Variants in KIF3B observed in about 807,000 individuals in gnomAD.
KIF3B encodes kinesin-like protein KIF3B.
KIF3B carries 38 observed loss-of-function variants against 74.3 expected under a neutral mutation model. That is an observed-to-expected ratio of 0.51 (90% CI 0.39 to 0.67). The LOEUF is 0.67. Ranked by LOEUF, KIF3B falls within the 30% of genes least tolerant of loss-of-function variation. KIF3B has a pLI of 0.00. For synonymous variants in KIF3B, 326 were observed against 342.5 expected, an observed-to-expected ratio of 0.95 and a Z score of 0.53; for missense variants, 649 against 932.0, an observed-to-expected ratio of 0.70 and a Z score of 3.95.
intron 1 of KIF3B, among the ~76,000 whole-genome samples, chr20:32,291,959 G>A (rs2047693604): frequency 6.6e-6 from 1 of 150,706 alleles, no homozygotes; most frequent in African/African-American, 2.4e-5. Flanking sequence ...GTATCACCCA[G>A]GCTTGAGTGC....
rs1190433871 is a variant in KIF3B at position 32,334,661 on chromosome 20, A to G, written c.*3342A>G. The G allele has an allele frequency of 6.6e-6, 1 of 152,296 alleles. No individual in the cohort carries two copies. The highest frequency in any genetic ancestry group is 1.9e-4 in the East Asian group (1 of 5,198). The allele number at this position is 152,296 out of a possible 1,614,324, so 9.4% of individuals were successfully genotyped here. On this transcript the variant is annotated 3_prime_UTR_variant, in exon 9 of 9. Transcript: ENST00000375712. ...AATGCTCTGAGGGAACTGGCTAAGA[A>G]TAGTGGGCCTGGTGATTGTCTATCA...
rs2047621853 is a variant in KIF3B, at chr20:32,277,652, C to T, written c.-179C>T. Reference sequence around the variant, plus strand: ...AGGTTGCTAAGGAAGTGAGCGGCCACTGTCTCTCCCCATCCGGGGCAGCGG... The same window carrying T: ...AGGTTGCTAAGGAAGTGAGCGGCCATTGTCTCTCCCCATCCGGGGCAGCGG... On this transcript the variant is annotated 5_prime_UTR_variant, in exon 1 of 9. Transcript: ENST00000375712. 9.0e-6 allele frequency: 2 copies of T among 222,520 alleles called. No individual in the cohort carries two copies. Among genetic ancestry groups the T allele is most frequent in the South Asian group, 1.4e-4 (1 of 7,252 alleles). 13.8% of individuals were successfully genotyped at this position (222,520 alleles called of 1,614,324 possible).
At chr20:32,285,423 C>T (rs909730181) in intron 1 of KIF3B, among the ~76,000 whole-genome samples, 26 of 152,212 alleles carry the variant, frequency 1.7e-4, no homozygotes, top group African/African-American at 4.6e-4. Context: ...AACATTCCAT[C>T]TCACTGTGCC....
chr20:32,299,399 ATATATTTTT>A (rs2047731835), intron 1 of KIF3B, among the ~76,000 whole-genome samples: 1 of 31,766 alleles, frequency 3.1e-5, no homozygotes, highest in Admixed American at 3.9e-4. Flanking sequence ...ATATATATAT[ATATATTTTT>A]TTTTTTTTTT....
chr20:32,322,525 T>A (rs1232693852), intron 5 of KIF3B, among the ~76,000 whole-genome samples: 1 of 146,192 alleles, frequency 6.8e-6, no homozygotes, highest in Non-Finnish European at 1.5e-5. Flanking sequence ...AGAGAATCGC[T>A]TGAACCCTGG....
intron 1 of KIF3B, among the ~76,000 whole-genome samples, chr20:32,293,369 C>T (rs551877694): frequency 2.0e-5 from 3 of 151,474 alleles, no homozygotes; most frequent in South Asian, 4.2e-4. Context: ...GGCTGAGAGA[C>T]GGAAGGATCA....
intron 1 of KIF3B, among the ~76,000 whole-genome samples, chr20:32,281,760 C>G (rs1600413649): frequency 1.3e-5 from 2 of 152,038 alleles, no homozygotes; most frequent in African/African-American, 4.8e-5. Flanking sequence ...AAGAAAAGGC[C>G]TTGCTAGGAT....
chr20:32,301,790 A>G (rs1213272335), intron 1 of KIF3B, among the ~76,000 whole-genome samples: 2 of 152,174 alleles, frequency 1.3e-5, no homozygotes, highest in East Asian at 1.9e-4. Flanking sequence ...TGAGAATCCA[A>G]TTCATACCTA....
At chr20:32,325,864 C>T (rs546806017) in intron 5 of KIF3B, among the ~76,000 whole-genome samples, 6 of 150,984 alleles carry the variant, frequency 4.0e-5, no homozygotes, top group African/African-American at 1.5e-4. Flanking sequence ...GACAGAGTTT[C>T]GCCATGTTGG....
chr20:32,300,334 G>A (rs1321437467), intron 1 of KIF3B, among the ~76,000 whole-genome samples: 1 of 151,924 alleles, frequency 6.6e-6, no homozygotes, highest in Non-Finnish European at 1.5e-5. Flanking sequence ...CTGGAGTGCA[G>A]TGGTGCGATC....
intron 1 of KIF3B, among the ~76,000 whole-genome samples, chr20:32,289,572 A>G (rs1413101619): frequency 1.3e-5 from 2 of 152,168 alleles, no homozygotes; most frequent in African/African-American, 4.8e-5. Context: ...AAGCTACAGT[A>G]TTTAGCTAGA....
intron 5 of KIF3B, among the ~76,000 whole-genome samples, chr20:32,319,582 G>GTTTTTTTTTTTTTTTTTTTTTTTT (rs34028388): frequency 2.2e-5 from 2 of 92,020 alleles, no homozygotes; most frequent in Non-Finnish European, 4.2e-5. Context: ...TTTTGTTTTT[G>GTTTTTTTTTTTTTTTTTTTTTTTT]TTTTTTTTTT....
In KIF3B at chr20:32,333,974, G is replaced by T. The variant is rs1411464324; in HGVS notation, c.*2655G>T. 6.6e-6 allele frequency: 1 copy of T among 152,588 alleles called. No individual in the cohort carries two copies. Among genetic ancestry groups the T allele is most frequent in the Non-Finnish European group, 1.5e-5 (1 of 68,064 alleles). The allele number at this position is 152,588 out of a possible 1,614,324, so 9.5% of individuals were successfully genotyped here. On this transcript the variant is annotated 3_prime_UTR_variant, in exon 9 of 9. Coordinates refer to ENST00000375712, the MANE Select transcript of KIF3B (RefSeq NM_004798.4). The stretch of plus-strand genomic sequence containing the variant: ...CTGTCACCAGAAAGCTGCTGTTTTG[G>T]GTTCTGCATTGAGCCAAATATGTAG...
intron 7 of KIF3B, among the ~76,000 whole-genome samples, chr20:32,329,290 G>A (rs1008610001): frequency 1.3e-5 from 2 of 151,712 alleles, no homozygotes; most frequent in Non-Finnish European, 2.9e-5. Context: ...TGATCCACCC[G>A]CCTTAGCCTC....
intron 1 of KIF3B, among the ~76,000 whole-genome samples, chr20:32,297,815 T>G (rs1244575866): frequency 2.0e-5 from 3 of 151,894 alleles, no homozygotes; most frequent in Admixed American, 1.3e-4. Context: ...TTTTTTAATA[T>G]GAAATTGTTA....
At chr20:32,300,441 A>T (rs2047737919) in intron 1 of KIF3B, among the ~76,000 whole-genome samples, 1 of 151,748 alleles carries the variant, frequency 6.6e-6, no homozygotes, top group East Asian at 1.9e-4. Context: ...CCACGCCCCC[A>T]ATTTTTTCTG....
Position 32,282,182 on chromosome 20 carries a change from A to G in KIF3B, c.-66+4417A>G, listed in dbSNP as rs7271197. On this transcript the variant is annotated intron_variant, in intron 1 of 8. Coordinates refer to ENST00000375712, the MANE Select transcript of KIF3B (RefSeq NM_004798.4). The stretch of plus-strand genomic sequence containing the variant: ...GAGGCTAGTTAAGAGGTTAGGTGAG[A>G]GAAGATAGTGGCTTTCTAGGTTGGT... Among the ~76,000 whole-genome samples the G allele has an allele frequency of 1.8e-3, 281 of 152,242 alleles. 1 individual carries two copies. The highest frequency in any genetic ancestry group is 6.4e-3 in the African/African-American group (265 of 41,548).
At chr20:32,314,004 T>C (rs2047814533) in intron 2 of KIF3B, among the ~76,000 whole-genome samples, 1 of 151,802 alleles carries the variant, frequency 6.6e-6, no homozygotes, top group Admixed American at 6.6e-5. Flanking sequence ...CACCGCACCC[T>C]TATGTCCGGC....
Position 32,291,386 on chromosome 20 carries a change from C to T in KIF3B, c.-66+13621C>T, listed in dbSNP as rs190926837. Reference sequence around the variant, plus strand: ...AATGTAATGAATCATGAACCCATTACCCACCTCCAGCAGTTCTCAGCACTT... The same window carrying T: ...AATGTAATGAATCATGAACCCATTATCCACCTCCAGCAGTTCTCAGCACTT... On this transcript the variant is annotated intron_variant, in intron 1 of 8. Coordinates refer to ENST00000375712, the MANE Select transcript of KIF3B (RefSeq NM_004798.4). Among the ~76,000 whole-genome samples the T allele has an allele frequency of 1.4e-4, 22 of 151,914 alleles. No homozygotes were observed. The East Asian group carries it at 4.3e-3, about 29-fold the overall frequency.
Sources: allele counts gnomAD v4.1 joint callset (sites outside exome capture counted in the v4.1 genomes callset), GRCh38; gene constraint gnomAD v4.1.1; transcripts MANE v1.5; gene names NCBI Gene and HGNC (gene_info 2026-07-23, HGNC 2026-07-21).